ARHGAP10: variants seen among roughly 807,000 people sequenced by gnomAD.
The protein encoded by ARHGAP10 is Rho GTPase activating protein 10, also known as rho GTPase-activating protein 10.
In ARHGAP10, 87 loss-of-function variants were observed where a neutral mutation model predicts 108.6. That is an observed-to-expected ratio of 0.80 (90% CI 0.67 to 0.96). The LOEUF (loss-of-function observed/expected upper bound fraction) is 0.96. ARHGAP10 is among the 40% of genes least tolerant of loss of function. The probability of loss-of-function intolerance (pLI) is 0.00; values close to 1 mark genes in which losing one functional copy is unlikely to be tolerated. For synonymous variants in ARHGAP10, 347 were observed against 341.1 expected (o/e 1.02, Z -0.19); for missense variants, 939 against 954.5 (o/e 0.98, Z 0.21).
intron 1 of ARHGAP10, 120 bp from the exon 2 acceptor site, chr4:147,822,607 C>T (rs1732550299): frequency 3.1e-6 from 3 of 983,054 alleles, no homozygotes; most frequent in Admixed American, 4.5e-5. Context: ...TTGGGTCATG[C>T]CTTCTCATAG....
At chr4:147,809,982 C>T (rs1366419508) in intron 1 of ARHGAP10, among the ~76,000 whole-genome samples, 1 of 152,200 alleles carries the variant, frequency 6.6e-6, no homozygotes, top group Non-Finnish European at 1.5e-5. Context: ...GTTGAGACTA[C>T]TGCTATTAAC....
At chr4:147,915,981 T>C (rs1349203543) in intron 13 of ARHGAP10, among the ~76,000 whole-genome samples, 1 of 152,144 alleles carries the variant, frequency 6.6e-6, no homozygotes, top group Admixed American at 6.5e-5. Flanking sequence ...TTATAGTGTT[T>C]GCTTGTAGTG....
chr4:148,001,525 A>G (rs1740717982), intron 18 of ARHGAP10, among the ~76,000 whole-genome samples: 2 of 152,068 alleles, frequency 1.3e-5, no homozygotes, highest in African/African-American at 2.4e-5. Flanking sequence ...TTTTCACGAT[A>G]TTGATTCTTC....
At chr4:147,758,721 G>C (rs1229568700) in intron 1 of ARHGAP10, among the ~76,000 whole-genome samples, 3 of 151,756 alleles carry the variant, frequency 2.0e-5, no homozygotes, top group Non-Finnish European at 4.4e-5. Context: ...GCTCAGGCCT[G>C]TGATCCCAGC....
chr4:147,777,169 C>T lies in ARHGAP10; in HGVS notation c.154+44714C>T, dbSNP rs190900980. On this transcript the variant is annotated intron_variant, in intron 1 of 22. Transcript: ENST00000336498. Reference sequence around the variant, plus strand: ...TTGCGTTTCAGCTATGTATCTCTGGCCTTTTACCATTAGGAAATTTGGTTT... The same window carrying T: ...TTGCGTTTCAGCTATGTATCTCTGGTCTTTTACCATTAGGAAATTTGGTTT... Among the ~76,000 whole-genome samples the T allele has an allele frequency of 1.8e-3, 273 of 152,078 alleles. 1 individual carries two copies. The highest frequency in any genetic ancestry group is 5.8e-3 in the African/African-American group (242 of 41,470).
intron 3 of ARHGAP10, among the ~76,000 whole-genome samples, chr4:147,831,017 G>A (rs368009434): frequency 2.6e-5 from 4 of 152,176 alleles, no homozygotes; most frequent in South Asian, 2.1e-4. Flanking sequence ...CTTTAGGAAC[G>A]TGCAAGAAAT....
intron 13 of ARHGAP10, among the ~76,000 whole-genome samples, chr4:147,928,502 G>C (rs1482937072): frequency 6.6e-6 from 1 of 152,236 alleles, no homozygotes; most frequent in Non-Finnish European, 1.5e-5. Context: ...TTTACACAAA[G>C]AGTAGGAGAA....
chr4:147,861,550 T>G (rs757488073), intron 5 of ARHGAP10: 1 of 152,330 alleles, frequency 6.6e-6, no homozygotes, highest in Non-Finnish European at 1.5e-5. Flanking sequence ...CCAAGAGGAA[T>G]GAGGTATGGA....
In ARHGAP10 at chr4:148,072,086, TG is replaced by T; in HGVS notation, c.*7del. ...AACTACGTCAAGCTGCTGTAGCTCCTGGCCTCAGAGCCCCTGCTGACCCTGG... is the reference window on the plus strand; with the variant it reads ...AACTACGTCAAGCTGCTGTAGCTCCTGCCTCAGAGCCCCTGCTGACCCTGG... On this transcript the variant is annotated 3_prime_UTR_variant, in exon 23 of 23. Transcript: ENST00000336498. 1 of 1,610,086 alleles carries T rather than the reference TG, an allele frequency of 6.2e-7. No individual in the cohort carries two copies. Among genetic ancestry groups the T allele is most frequent in the African/African-American group, 1.3e-5 (1 of 74,884 alleles).
chr4:148,052,176 G>A (rs188890515), intron 20 of ARHGAP10, among the ~76,000 whole-genome samples: 165 of 151,734 alleles, frequency 1.1e-3, no homozygotes, highest in Non-Finnish European at 2.0e-3. Flanking sequence ...TTACAGGGTG[G>A]GAGTCACTGG....
At chr4:148,060,239 G>T (rs921427165) in intron 20 of ARHGAP10, among the ~76,000 whole-genome samples, 1 of 151,516 alleles carries the variant, frequency 6.6e-6, no homozygotes, top group Non-Finnish European at 1.5e-5. Context: ...GAAAATGTAG[G>T]TATTACATTT....
chr4:147,746,309 G>A (rs1728919938), intron 1 of ARHGAP10, among the ~76,000 whole-genome samples: 1 of 151,278 alleles, frequency 6.6e-6, no homozygotes, highest in Non-Finnish European at 1.5e-5. Context: ...TCACCATGTT[G>A]GCCAGGATGG....
chr4:147,777,133 A>G (rs1377231377), intron 1 of ARHGAP10, among the ~76,000 whole-genome samples: 1 of 152,164 alleles, frequency 6.6e-6, no homozygotes, highest in Admixed American at 6.5e-5. Context: ...TTTAAGGTGC[A>G]TATGCATGAT....
intron 18 of ARHGAP10, among the ~76,000 whole-genome samples, chr4:148,018,727 G>T (rs936518618): frequency 2.0e-5 from 3 of 152,160 alleles, no homozygotes; most frequent in East Asian, 1.9e-4. Context: ...GACAGTACTA[G>T]CTGGTAGTAT....
At chr4:147,787,964 G>C in intron 1 of ARHGAP10, among the ~76,000 whole-genome samples, 1 of 152,054 alleles carries the variant, frequency 6.6e-6, no homozygotes, top group East Asian at 1.9e-4. Context: ...GCAAAATCAG[G>C]GCTAAGAATT....
intron 19 of ARHGAP10, among the ~76,000 whole-genome samples, chr4:148,043,762 A>G (rs996958589): frequency 7.0e-6 from 1 of 142,802 alleles, no homozygotes; most frequent in Non-Finnish European, 1.5e-5. Flanking sequence ...ATGTATATAT[A>G]TGTGTATATA....
intron 19 of ARHGAP10, among the ~76,000 whole-genome samples, chr4:148,026,475 A>G (rs1023869379): frequency 5.3e-5 from 8 of 152,210 alleles, no homozygotes; most frequent in East Asian, 3.8e-4. Context: ...TTACTTTAGT[A>G]AAGACTTCCA....
chr4:147,991,051 T>C (rs1329660578), intron 18 of ARHGAP10, among the ~76,000 whole-genome samples: 1 of 151,680 alleles, frequency 6.6e-6, no homozygotes, highest in Non-Finnish European at 1.5e-5. Flanking sequence ...TTGTTTACTA[T>C]GCTTTTCACC....
intron 1 of ARHGAP10, among the ~76,000 whole-genome samples, chr4:147,760,602 T>A: frequency 6.6e-6 from 1 of 152,338 alleles, no homozygotes; most frequent in East Asian, 1.9e-4. Flanking sequence ...TCTGATGGAC[T>A]TACTCTGTTG....
Sources: allele counts gnomAD v4.1 joint callset (sites outside exome capture counted in the v4.1 genomes callset), GRCh38; gene constraint gnomAD v4.1.1; transcripts MANE v1.5; gene names NCBI Gene and HGNC (gene_info 2026-07-23, HGNC 2026-07-21).